BRINP3: variants seen among roughly 807,000 people sequenced by gnomAD.
BRINP3 encodes the protein BMP/retinoic acid-inducible neural-specific protein 3.
A neutral mutation model predicts 71.0 loss-of-function variants in BRINP3; 19 were observed. The observed-to-expected ratio is 0.27, with a 90% confidence interval of 0.19 to 0.39. BRINP3 has a LOEUF of 0.39. BRINP3 is among the 10% of genes least tolerant of loss of function. The pLI is 1.00. For missense variants in BRINP3, 959 were observed against 940.8 expected (o/e 1.02, Z -0.25); for synonymous variants, 380 against 337.7 (o/e 1.13, Z -1.37).
At chr1:190,256,436 T>C (rs1660670996) in intron 4 of BRINP3, among the ~76,000 whole-genome samples, 1 of 152,226 alleles carries the variant, frequency 6.6e-6, no homozygotes, top group Admixed American at 6.5e-5. Context: ...CTTGACTCTG[T>C]ATCCAATTTG....
At chr1:190,108,969 T>A (rs977113000) in intron 7 of BRINP3, among the ~76,000 whole-genome samples, 1 of 152,168 alleles carries the variant, frequency 6.6e-6, no homozygotes, top group African/African-American at 2.4e-5. Flanking sequence ...AAGAGCTTCA[T>A]CTGTTCAGTT....
chr1:190,310,975 C>G (rs751925625), intron 2 of BRINP3, among the ~76,000 whole-genome samples: 1 of 151,670 alleles, frequency 6.6e-6, no homozygotes, highest in Non-Finnish European at 1.5e-5. Flanking sequence ...CCATAACCAG[C>G]ATGTAGGGTT....
At chr1:190,281,169 T>A (rs1333409517) in intron 3 of BRINP3, among the ~76,000 whole-genome samples, 1 of 151,996 alleles carries the variant, frequency 6.6e-6, no homozygotes, top group African/African-American at 2.4e-5. Context: ...GTGCTAACAA[T>A]GTAATTGTAG....
chr1:190,156,520 T>TG (rs954133509), intron 7 of BRINP3, among the ~76,000 whole-genome samples: 38 of 152,188 alleles, frequency 2.5e-4, no homozygotes, highest in African/African-American at 8.7e-4. Flanking sequence ...ACATATTTTT[T>TG]TTTTGTTTTC....
At chr1:190,126,107 A>G (rs1357383525) in intron 7 of BRINP3, among the ~76,000 whole-genome samples, 1 of 152,022 alleles carries the variant, frequency 6.6e-6, no homozygotes, top group Non-Finnish European at 1.5e-5. Context: ...TTGACTAGGA[A>G]TTTAGATGTT....
At chr1:190,169,672 T>C (rs1651847386) in intron 6 of BRINP3, among the ~76,000 whole-genome samples, 1 of 152,134 alleles carries the variant, frequency 6.6e-6, no homozygotes, top group Non-Finnish European at 1.5e-5. Flanking sequence ...GCTACTTGAG[T>C]GTTAAAACCA....
intron 2 of BRINP3, among the ~76,000 whole-genome samples, chr1:190,293,850 T>A (rs1337959919): frequency 6.6e-6 from 1 of 152,178 alleles, no homozygotes; most frequent in African/African-American, 2.4e-5. Flanking sequence ...CTGCTCTTTT[T>A]TGGTTTTCAT....
intron 6 of BRINP3, among the ~76,000 whole-genome samples, chr1:190,185,574 C>T (rs1212052207): frequency 6.6e-6 from 1 of 152,112 alleles, no homozygotes; most frequent in Admixed American, 6.6e-5. Flanking sequence ...AATCTACCCA[C>T]TTGACTCTAA....
chr1:190,188,169 A>T (rs1653708178), intron 6 of BRINP3, among the ~76,000 whole-genome samples: 1 of 151,994 alleles, frequency 6.6e-6, no homozygotes, highest in Non-Finnish European at 1.5e-5. Context: ...TTTTTAGAGA[A>T]TTAACTGTTA....
intron 2 of BRINP3, among the ~76,000 whole-genome samples, chr1:190,300,436 T>A (rs942053730): frequency 2.0e-5 from 3 of 152,208 alleles, no homozygotes; most frequent in Non-Finnish European, 4.4e-5. Flanking sequence ...TTGGTTATTC[T>A]AGTTATACAT....
intron 2 of BRINP3, among the ~76,000 whole-genome samples, chr1:190,317,249 A>C (rs1665949674): frequency 6.6e-6 from 1 of 151,736 alleles, no homozygotes; most frequent in African/African-American, 2.4e-5. Flanking sequence ...CAGCTGATGT[A>C]AGGGGTCTTC....
intron 7 of BRINP3, among the ~76,000 whole-genome samples, chr1:190,145,430 A>G (rs144905374): frequency 3.2e-4 from 49 of 152,312 alleles, no homozygotes; most frequent in African/African-American, 1.1e-3. Flanking sequence ...AGCACTATGC[A>G]GTGTTCTCTT....
At chr1:190,475,433 C>T (rs1677433044) in intron 1 of BRINP3, among the ~76,000 whole-genome samples, 1 of 152,158 alleles carries the variant, frequency 6.6e-6, no homozygotes, top group Non-Finnish European at 1.5e-5. Flanking sequence ...TGGCGCACCC[C>T]ACTCTATGGG....
At chr1:190,125,491 T>A (rs1288939627) in intron 7 of BRINP3, among the ~76,000 whole-genome samples, 1 of 151,944 alleles carries the variant, frequency 6.6e-6, no homozygotes, top group African/African-American at 2.4e-5. Context: ...ACATGCAAAC[T>A]TTTTTGATAA....
At chr1:190,365,384 T>G (rs1157494512) in intron 2 of BRINP3, among the ~76,000 whole-genome samples, 3 of 151,680 alleles carry the variant, frequency 2.0e-5, no homozygotes, top group Non-Finnish European at 4.4e-5. Context: ...ATCTGCTGGG[T>G]GCTAAACCTG....
At chr1:190,371,700 T>A (rs1148615) in intron 2 of BRINP3, among the ~76,000 whole-genome samples, 3 of 151,972 alleles carry the variant, frequency 2.0e-5, no homozygotes, top group Non-Finnish European at 2.9e-5. Context: ...TTCTAGTCCC[T>A]TGAGAAATGT....
At chr1:190,433,173 C>A (rs538010197) in intron 2 of BRINP3, among the ~76,000 whole-genome samples, 1 of 152,182 alleles carries the variant, frequency 6.6e-6, no homozygotes, top group Non-Finnish European at 1.5e-5. Context: ...TTTCATAGAC[C>A]ACTGCAAATA....
intron 2 of BRINP3, among the ~76,000 whole-genome samples, chr1:190,334,962 GGGTGT>G (rs1419036603): frequency 2.6e-5 from 4 of 151,708 alleles, no homozygotes; most frequent in Non-Finnish European, 5.9e-5. Flanking sequence ...TTCTTATATT[GGGTGT>G]GGTAAATGAG....
chr1:190,316,592 A>G (rs928154512), intron 2 of BRINP3, among the ~76,000 whole-genome samples: 1 of 152,066 alleles, frequency 6.6e-6, no homozygotes, highest in South Asian at 2.1e-4. Context: ...AACTCTCAAT[A>G]TTTTACTAAA....
Sources: gnomAD v4.1 joint callset for allele counts (sites outside exome capture counted in the v4.1 genomes callset) on GRCh38, gnomAD v4.1.1 for gene constraint, MANE v1.5 for transcripts, NCBI Gene and HGNC (gene_info 2026-07-23, HGNC 2026-07-21) for gene names.